The following EHMT1 variants were observed in gnomAD, a reference collection of about 807,000 sequenced individuals.
EHMT1 encodes the protein histone-lysine N-methyltransferase EHMT1.
A neutral mutation model predicts 147.2 loss-of-function variants in EHMT1; 15 were observed. That is an observed-to-expected ratio of 0.10 (90% CI 0.07 to 0.16). The LOEUF (loss-of-function observed/expected upper bound fraction) is 0.16. Ranked by LOEUF, EHMT1 falls within the 10% of genes least tolerant of loss-of-function variation. The pLI is 1.00. For missense variants in EHMT1, 1,587 were observed against 1,772.4 expected (o/e 0.90, Z 1.88); for synonymous variants, 795 against 709.6 (o/e 1.12, Z -1.91).
intron 15 of EHMT1, among the ~76,000 whole-genome samples, chr9:137,783,102 C>T (rs1313467506): frequency 1.3e-5 from 2 of 152,200 alleles, no homozygotes; most frequent in Non-Finnish European, 2.9e-5. Context: ...AGTTGTACCT[C>T]ATTGTAATGT....
chr9:137,677,778 G>A (rs1362860192), intron 1 of EHMT1, among the ~76,000 whole-genome samples: 1 of 152,094 alleles, frequency 6.6e-6, no homozygotes, highest in East Asian at 1.9e-4. Context: ...AGTATTGTCA[G>A]CCGAGCACGG....
At chr9:137,717,855 G>A (rs955271876) in intron 3 of EHMT1, among the ~76,000 whole-genome samples, 15 of 152,192 alleles carry the variant, frequency 9.9e-5, no homozygotes, top group Non-Finnish European at 1.3e-4. Flanking sequence ...GAATAGAAAT[G>A]AACTTGGTTA....
chr9:137,741,282 A>G lies in EHMT1; in HGVS notation c.824-2089A>G, dbSNP rs564364014. 2.6e-4 allele frequency among the ~76,000 whole-genome samples: 40 copies of G among 152,220 alleles called. No individual in the cohort carries two copies. The East Asian group carries it at 7.5e-3, about 29-fold the overall frequency. The stretch of plus-strand genomic sequence containing the variant: ...GTGTGAGCCACTGCGCCCGGCCGAC[A>G]TGATTCTTAAGCACATGAAATGCAG... On this transcript the variant is annotated intron_variant, in intron 4 of 26. Coordinates refer to ENST00000460843, the MANE Select transcript of EHMT1 (RefSeq NM_024757.5).
intron 13 of EHMT1, among the ~76,000 whole-genome samples, chr9:137,778,662 TC>T (rs1219987370): frequency 2.6e-5 from 4 of 152,070 alleles, no homozygotes; most frequent in Non-Finnish European, 5.9e-5. Context: ...CCCAGACTGT[TC>T]CTGACCCACA....
intron 18 of EHMT1, among the ~76,000 whole-genome samples, chr9:137,810,170 G>A (rs926694193): frequency 6.7e-6 from 1 of 148,302 alleles, no homozygotes; most frequent in African/African-American, 2.5e-5. Flanking sequence ...TGATGGGTCC[G>A]GAGGCGGTTC....
intron 1 of EHMT1, among the ~76,000 whole-genome samples, chr9:137,664,706 C>G (rs1369049513): frequency 6.6e-6 from 1 of 151,660 alleles, no homozygotes; most frequent in Non-Finnish European, 1.5e-5. Flanking sequence ...CTTCTCTGTT[C>G]TTTGTCCATA....
intron 1 of EHMT1, among the ~76,000 whole-genome samples, chr9:137,622,688 G>C (rs1843005900): frequency 6.6e-6 from 1 of 152,126 alleles, no homozygotes; most frequent in Admixed American, 6.6e-5. Context: ...AGGATCCCCT[G>C]AGCCCAGGAG....
At chr9:137,697,106 C>G (rs903605500) in intron 1 of EHMT1, 1 of 399,016 alleles carries the variant, frequency 2.5e-6, no homozygotes, top group African/African-American at 2.1e-5. Context: ...TGTGGTAAAA[C>G]CCTGTCTCTA....
chr9:137,631,048 G>A (rs1843594693), intron 1 of EHMT1, among the ~76,000 whole-genome samples: 1 of 152,068 alleles, frequency 6.6e-6, no homozygotes, highest in Admixed American at 6.6e-5. Context: ...TAGGTGTTTA[G>A]ATTTAATTTT....
At chr9:137,795,432 C>CACACACACAT (rs144483646) in intron 16 of EHMT1, among the ~76,000 whole-genome samples, 3 of 131,464 alleles carry the variant, frequency 2.3e-5, no homozygotes, top group African/African-American at 7.9e-5. Context: ...CACACACTCT[C>CACACACACAT]ACACTCACAT....
chr9:137,827,568 C>G (rs1464116808), intron 25 of EHMT1, among the ~76,000 whole-genome samples: 1 of 152,190 alleles, frequency 6.6e-6, no homozygotes, highest in Non-Finnish European at 1.5e-5. Flanking sequence ...CTGGGTCTGC[C>G]CCAGCCCTGG....
intron 2 of EHMT1, among the ~76,000 whole-genome samples, chr9:137,711,939 C>T (rs1588296249): frequency 6.6e-6 from 1 of 152,218 alleles, no homozygotes; most frequent in Non-Finnish European, 1.5e-5. Flanking sequence ...GGCTGTGGCC[C>T]CTGCCGTGTT....
chr9:137,746,953 C>G (rs185586825), intron 6 of EHMT1: 17,267 of 152,058 alleles, frequency 0.11, 2,102 homozygotes, highest in African/African-American at 0.31. Flanking sequence ...GAAACAAAAG[C>G]AAAGCCAAGA....
At chr9:137,716,061 GGGGGAGGAAATTGTGGTGTCGTGGT>G (rs2135478050) in intron 2 of EHMT1, among the ~76,000 whole-genome samples, 3 of 119,702 alleles carry the variant, frequency 2.5e-5, no homozygotes, top group East Asian at 2.5e-4. Context: ...TGTCATGGTG[GGGGGAGGAAATTGTGGTGTCGTGGT>G]GGGGGAGGAA....
chr9:137,665,371 G>C (rs1322876663), intron 1 of EHMT1, among the ~76,000 whole-genome samples: 1 of 152,180 alleles, frequency 6.6e-6, no homozygotes, highest in Non-Finnish European at 1.5e-5. Flanking sequence ...GGAGACTGCT[G>C]TGCTCGAACC....
At chr9:137,795,379 G>A (rs1952818666) in intron 16 of EHMT1, among the ~76,000 whole-genome samples, 1 of 144,074 alleles carries the variant, frequency 6.9e-6, no homozygotes, top group Non-Finnish European at 1.5e-5. Flanking sequence ...TCCTGGGCCA[G>A]GACACCATCC....
intron 1 of EHMT1, among the ~76,000 whole-genome samples, chr9:137,694,876 C>T (rs1943267511): frequency 6.6e-6 from 1 of 152,228 alleles, no homozygotes; most frequent in Admixed American, 6.5e-5. Flanking sequence ...GAATTGTACT[C>T]TCGGTCTTGA....
rs1031651822 is a variant in EHMT1, at chr9:137,834,169, C to T, written c.3541-180C>T. ...GGGTGCGGGGTGGGTGGCCACACAGCGAGGAGAAGGCTGGCGGAGGCTCCG... is the reference window on the plus strand; with the variant it reads ...GGGTGCGGGGTGGGTGGCCACACAGTGAGGAGAAGGCTGGCGGAGGCTCCG... On this transcript the variant is annotated intron_variant, in intron 25 of 26. Transcript: ENST00000460843. 2.3e-5 allele frequency: 18 copies of T among 780,838 alleles called. No homozygotes were observed. In the East Asian group the frequency reaches 4.6e-4, roughly 20 times the overall value. 48.4% of individuals were successfully genotyped at this position (780,838 alleles called of 1,614,324 possible).
At chr9:137,643,976 A>G (rs1298950943) in intron 1 of EHMT1, among the ~76,000 whole-genome samples, 1 of 152,154 alleles carries the variant, frequency 6.6e-6, no homozygotes. Context: ...TGCGTGGTAA[A>G]CAGAGCTTTG....
Sources: gnomAD v4.1 joint callset for allele counts (sites outside exome capture counted in the v4.1 genomes callset) on GRCh38, gnomAD v4.1.1 for gene constraint, MANE v1.5 for transcripts, NCBI Gene and HGNC (gene_info 2026-07-23, HGNC 2026-07-21) for gene names.